The following PTPN13 variants were observed in gnomAD, a reference collection of about 807,000 sequenced individuals.
PTPN13 encodes tyrosine-protein phosphatase non-receptor type 13.
Under a neutral mutation model 284.0 loss-of-function variants are expected in PTPN13, and 191 were observed. The observed-to-expected ratio is 0.67, with a 90% CI of 0.60 to 0.76. The LOEUF is 0.76. Ranked by LOEUF, PTPN13 falls within the 30% of genes least tolerant of loss-of-function variation. The pLI is 0.00. For synonymous variants in PTPN13, 986 were observed against 1,022.3 expected, an observed-to-expected ratio of 0.96 and a Z score of 0.68; for missense variants, 2,797 against 2,939.9, an observed-to-expected ratio of 0.95 and a Z score of 1.12.
At chr4:86,673,602 TTAG>T (rs1365868025) in intron 3 of PTPN13, among the ~76,000 whole-genome samples, 1 of 152,246 alleles carries the variant, frequency 6.6e-6, no homozygotes, top group Non-Finnish European at 1.5e-5. Flanking sequence ...TATCATATTT[TTAG>T]GAGCATGACT....
At chr4:86,687,257 A>T (rs1424601106) in intron 4 of PTPN13, among the ~76,000 whole-genome samples, 1 of 152,198 alleles carries the variant, frequency 6.6e-6, no homozygotes, top group Non-Finnish European at 1.5e-5. Flanking sequence ...CAAATCGTAC[A>T]TCATACTTCA....
intron 3 of PTPN13, among the ~76,000 whole-genome samples, chr4:86,679,012 T>C (rs545392270): frequency 3.3e-4 from 50 of 152,342 alleles, no homozygotes; most frequent in African/African-American, 7.7e-4. Flanking sequence ...CCATGTCCCC[T>C]GAATGAACTC....
At chr4:86,758,090 A>G (rs373546881) in intron 20 of PTPN13, among the ~76,000 whole-genome samples, 170 bp from the exon 21 acceptor site, 9 of 152,334 alleles carry the variant, frequency 5.9e-5, no homozygotes, top group African/African-American at 9.6e-5. Context: ...TTTATAAATT[A>G]TAAATCACTA....
intron 32 of PTPN13, among the ~76,000 whole-genome samples, chr4:86,773,694 C>CTT (rs35626339): frequency 1.2e-4 from 17 of 147,170 alleles, no homozygotes; most frequent in African/African-American, 3.7e-4. Flanking sequence ...TCCAGTTACC[C>CTT]TTTTTTTTTT....
rs904262236 is a variant in PTPN13, at chr4:86,598,955, T to C, written c.-6+4166T>C. Reference sequence around the variant, plus strand: ...TTTATTTTTTGTAGAGATAATGGTCTTCCTATGTTACCCAGCCTGGTCTTA... The same window carrying C: ...TTTATTTTTTGTAGAGATAATGGTCCTCCTATGTTACCCAGCCTGGTCTTA... On this transcript the variant is annotated intron_variant, in intron 1 of 47. Coordinates refer to ENST00000411767, the MANE Select transcript of PTPN13 (RefSeq NM_080683.3). Among the ~76,000 whole-genome samples, 7 of 152,274 alleles carry C rather than the reference T, an allele frequency of 4.6e-5. No homozygotes were observed. The South Asian group carries it at 8.3e-4, about 18-fold the overall frequency.
intron 3 of PTPN13, among the ~76,000 whole-genome samples, chr4:86,678,775 C>A (rs1241103698): frequency 6.6e-6 from 1 of 152,130 alleles, no homozygotes; most frequent in Non-Finnish European, 1.5e-5. Flanking sequence ...CGGTTAATTT[C>A]TTTTGAGTCT....
chr4:86,643,722 G>T (rs980181452), intron 2 of PTPN13, among the ~76,000 whole-genome samples: 4 of 152,126 alleles, frequency 2.6e-5, no homozygotes, highest in African/African-American at 9.7e-5. Flanking sequence ...GAGCTGAAAA[G>T]ATTTTAATCT....
chr4:86,785,183 T>A (rs1176300613), intron 38 of PTPN13, 48 bp from the exon 39 acceptor site: 3 of 1,369,994 alleles, frequency 2.2e-6, no homozygotes, highest in Non-Finnish European at 3.0e-6. Flanking sequence ...CCCTTTCTCG[T>A]GTCAATATTT....
At position 86,760,562 on chromosome 4, in the gene PTPN13, C is replaced by T. The variant is rs533380545; in HGVS notation, c.3553+1489C>T. Among the ~76,000 whole-genome samples, 134 of 152,272 alleles carry T rather than the reference C, an allele frequency of 8.8e-4. 1 individual carries two copies. The highest frequency in any genetic ancestry group is 6.8e-3 in the Middle Eastern group (2 of 294). On this transcript the variant is annotated intron_variant, in intron 23 of 47. Transcript: ENST00000411767. The stretch of plus-strand genomic sequence containing the variant: ...AAACTCTGCCCTAATGGAAGTTACT[C>T]TTTATCAGGGGAGGCAAGTATTCTT...
rs560169264 is a variant in PTPN13, at chr4:86,782,338, T to A, written c.6024+76T>A. 142 of 1,261,414 alleles carry A rather than the reference T, an allele frequency of 1.1e-4. No individual in the cohort carries two copies. The African/African-American group carries it at 1.9e-3, about 17-fold the overall frequency. 78.1% of individuals were successfully genotyped at this position (1,261,414 alleles called of 1,614,324 possible). On this transcript the variant is annotated intron_variant, in intron 37 of 47. Transcript: ENST00000411767. ...TGCATGTTTGTGTTTTGAACCAAAC[T>A]GATTTCATATTTAAATATTTGTCTT...
Position 86,769,904 on chromosome 4 carries a change from C to A in PTPN13, c.4625C>A (p.Ala1542Glu), listed in dbSNP as rs921039997. 1 of 1,613,918 alleles carries A rather than the reference C, an allele frequency of 6.2e-7. No individual in the cohort carries two copies. The highest frequency in any genetic ancestry group is 1.6e-4 in the Middle Eastern group (1 of 6,062). ...AAAAAGCTCTTTCCTGGACAGCCAG[C>A]AGCAGAAAGTGGAAAAATTGATGTA... ...RVKKLFPGQPAAESGKIDVGD... is the reference protein window; with the variant it reads ...RVKKLFPGQPEAESGKIDVGD... The change falls in exon 29 of 48, where the codon GCA (alanine) becomes GAA (glutamate). Residue 1542 changes from alanine to glutamate, a missense_variant. Physicochemically the swap from Ala to Glu is moderately radical, Grantham distance 107 (BLOSUM62 -1). Coordinates refer to ENST00000411767, the MANE Select transcript of PTPN13 (RefSeq NM_080683.3).
intron 12 of PTPN13, among the ~76,000 whole-genome samples, chr4:86,733,438 G>A (rs1189395253): frequency 2.6e-5 from 4 of 151,900 alleles, no homozygotes; most frequent in African/African-American, 9.7e-5. Flanking sequence ...GAAAGTTTAG[G>A]CAACAAAGTA....
chr4:86,701,258 G>A lies in PTPN13; in HGVS notation c.652G>A (p.Asp218Asn). Residue 218 changes from aspartate to asparagine, a missense_variant, in exon 7 of 48, where the codon GAT becomes AAT. Coordinates refer to ENST00000411767, the MANE Select transcript of PTPN13 (RefSeq NM_080683.3). ...CATTCCAGGAAGAAGCTCTACTTCT[G>A]ATGTACTAGACATACAAAAGCCTCC... is the stretch of plus-strand genomic sequence containing the variant. ...GLPTGRSSTS[D>N]VLDIQKPPLS... The A allele has an allele frequency of 3.8e-6, 6 of 1,567,958 alleles. No individual in the cohort carries two copies.
intron 2 of PTPN13, among the ~76,000 whole-genome samples, chr4:86,651,273 C>A (rs1353450983): frequency 1.3e-5 from 2 of 152,208 alleles, no homozygotes; most frequent in Non-Finnish European, 2.9e-5. Context: ...CCCACTTGAA[C>A]ATAATGAATG....
In PTPN13 at chr4:86,771,174, C is replaced by T; in HGVS notation, c.4807C>T (p.Pro1603Ser). The T allele has an allele frequency of 1.2e-6, 2 of 1,607,814 alleles. No individual in the cohort carries two copies. Among genetic ancestry groups the T allele is most frequent in the African/African-American group, 1.3e-5 (1 of 74,948 alleles). Residue 1603 changes from proline to serine, a missense_variant, in exon 31 of 48, where the codon CCA (proline) becomes TCA (serine). Physicochemically the swap from Pro to Ser is moderately conservative, Grantham distance 74. Coordinates refer to ENST00000411767, the MANE Select transcript of PTPN13 (RefSeq NM_080683.3). ...TCTTTAAATGTGTCCATTACAGACCCCACTTCAGTCTCCAGCACAAGTACT... is the reference window on the plus strand; with the variant it reads ...TCTTTAAATGTGTCCATTACAGACCTCACTTCAGTCTCCAGCACAAGTACT... ...LPEIDTALLT[P>S]LQSPAQVLPN...
intron 1 of PTPN13, among the ~76,000 whole-genome samples, chr4:86,631,699 G>C (rs1722485370): frequency 1.3e-5 from 2 of 152,134 alleles, no homozygotes; most frequent in East Asian, 3.9e-4. Context: ...AATTAACACG[G>C]TATTGATATA....
intron 42 of PTPN13, among the ~76,000 whole-genome samples, chr4:86,802,650 A>G (rs538863143): frequency 2.6e-5 from 4 of 152,302 alleles, no homozygotes; most frequent in South Asian, 2.1e-4. Context: ...TATTAATTCT[A>G]TTACCTTATT....
At chr4:86,792,751 G>T (rs1028198941) in intron 40 of PTPN13, among the ~76,000 whole-genome samples, 1 of 152,144 alleles carries the variant, frequency 6.6e-6, no homozygotes, top group African/African-American at 2.4e-5. Context: ...CTCATATCCA[G>T]CCAAACTAAG....
At chr4:86,685,002 C>T (rs1448999478) in intron 3 of PTPN13, among the ~76,000 whole-genome samples, 1 of 152,170 alleles carries the variant, frequency 6.6e-6, no homozygotes, top group Non-Finnish European at 1.5e-5. Context: ...GCTCTGCCAT[C>T]TTACTACAGA....
Sources: allele counts gnomAD v4.1 joint callset (sites outside exome capture counted in the v4.1 genomes callset), GRCh38; gene constraint gnomAD v4.1.1; transcripts MANE v1.5; gene names NCBI Gene and HGNC (gene_info 2026-07-23, HGNC 2026-07-21).